The following KCNC2 variants were observed in gnomAD, a reference collection of about 807,000 sequenced individuals.
KCNC2 encodes the protein voltage-gated potassium channel KCNC2.
Under a neutral mutation model 44.5 loss-of-function variants are expected in KCNC2, and 21 were observed. The observed-to-expected ratio is 0.47, with a 90% CI of 0.33 to 0.68. The LOEUF is 0.68. KCNC2 is among the 30% of genes least tolerant of loss of function. The probability of loss-of-function intolerance (pLI) is 0.01; values close to 1 mark genes in which losing one functional copy is unlikely to be tolerated. For missense variants in KCNC2, 589 were observed against 826.2 expected (o/e 0.71, Z 3.52); for synonymous variants, 391 against 339.1 (o/e 1.15, Z -1.68).
chr12:75,182,528 A>C (rs568684624), intron 2 of KCNC2, among the ~76,000 whole-genome samples: 70 of 140,080 alleles, frequency 5.0e-4, no homozygotes, highest in East Asian at 1.7e-3. Flanking sequence ...CTCAAAAAAA[A>C]AAAAAAAAAC....
At chr12:75,155,592 A>T (rs1263831385) in intron 2 of KCNC2, among the ~76,000 whole-genome samples, 2 of 151,846 alleles carry the variant, frequency 1.3e-5, no homozygotes, top group Non-Finnish European at 2.9e-5. Context: ...GTAAAAATTA[A>T]TATCTAATCT....
At chr12:75,074,190 G>A (rs1411222492) in intron 2 of KCNC2, among the ~76,000 whole-genome samples, 2 of 151,186 alleles carry the variant, frequency 1.3e-5, no homozygotes, top group South Asian at 4.2e-4. Context: ...AAATAAGTAG[G>A]AGGTCTGCAA....
intron 2 of KCNC2, among the ~76,000 whole-genome samples, chr12:75,097,837 G>C (rs10431593): frequency 0.42 from 63,416 of 151,928 alleles, 16,481 homozygotes; most frequent in Non-Finnish European, 0.58. Context: ...TTATGAAATA[G>C]AGACAGTGTT....
intron 4 of KCNC2, among the ~76,000 whole-genome samples, chr12:75,046,168 A>T (rs758860421): frequency 6.6e-6 from 1 of 151,704 alleles, no homozygotes; most frequent in African/African-American, 2.4e-5. Flanking sequence ...GATTATGATA[A>T]GAAATGACAA....
intron 2 of KCNC2, among the ~76,000 whole-genome samples, chr12:75,161,824 T>C (rs1356826388): frequency 6.6e-6 from 1 of 151,714 alleles, no homozygotes; most frequent in African/African-American, 2.4e-5. Context: ...CATGAAGAAT[T>C]CCTATGAGAC....
chr12:75,061,461 G>A (rs569669905), intron 2 of KCNC2, among the ~76,000 whole-genome samples: 4 of 151,908 alleles, frequency 2.6e-5, no homozygotes, highest in South Asian at 2.1e-4. Context: ...GAAATAATCA[G>A]GCCACATAGT....
Position 75,084,290 on chromosome 12 carries a change from TGATA to T in KCNC2, c.688-32977_688-32974del, listed in dbSNP as rs56889908. ...TAGATTAGATAGATAGATAGATAGA[TGATA>T]GATAGATAGATAGATAGATAGATAG... On this transcript the variant is annotated intron_variant, in intron 2 of 4. Coordinates refer to ENST00000549446, the MANE Select transcript of KCNC2 (RefSeq NM_139137.4). Among the ~76,000 whole-genome samples the T allele has an allele frequency of 3.7e-3, 456 of 123,718 alleles. 2 individuals carry two copies. Among genetic ancestry groups the T allele is most frequent in the East Asian group, 9.1e-3 (40 of 4,386 alleles). 81.2% of individuals were successfully genotyped at this position (123,718 alleles called of 152,430 possible).
chr12:75,092,911 T>C (rs1426544580), intron 2 of KCNC2, among the ~76,000 whole-genome samples: 7 of 151,620 alleles, frequency 4.6e-5, no homozygotes, highest in Non-Finnish European at 8.9e-5. Context: ...GAAGTCATTC[T>C]TGCATCTATT....
chr12:75,106,531 T>C (rs1886799136), intron 2 of KCNC2, among the ~76,000 whole-genome samples: 1 of 152,136 alleles, frequency 6.6e-6, no homozygotes, highest in Non-Finnish European at 1.5e-5. Context: ...ATTATTACCT[T>C]GCAGGGAGAG....
intron 2 of KCNC2, among the ~76,000 whole-genome samples, chr12:75,150,748 C>T (rs144168732): frequency 1.3e-5 from 2 of 151,832 alleles, no homozygotes; most frequent in African/African-American, 2.4e-5. Context: ...ACAAATATGG[C>T]AATATTTCAC....
At chr12:75,114,898 C>G (rs1196437036) in intron 2 of KCNC2, among the ~76,000 whole-genome samples, 3 of 126,456 alleles carry the variant, frequency 2.4e-5, no homozygotes, top group African/African-American at 3.2e-5. Flanking sequence ...AGGGATCTCG[C>G]TGTCACCCAG....
rs4019554 is a variant in KCNC2, at chr12:75,084,321, T to C, written c.688-33004A>G. 2.0e-3 allele frequency among the ~76,000 whole-genome samples: 304 copies of C among 151,770 alleles called. 2 individuals are homozygous for C. The highest frequency in any genetic ancestry group is 7.0e-3 in the African/African-American group (289 of 41,338). On this transcript the variant is annotated intron_variant, in intron 2 of 4. Coordinates refer to ENST00000549446, the MANE Select transcript of KCNC2 (RefSeq NM_139137.4). Reference sequence around the variant, plus strand: ...ATAGATAGATAGATAGATAGATAGATAGATAGATAGATATACTATTATGTG... The same window carrying C: ...ATAGATAGATAGATAGATAGATAGACAGATAGATAGATATACTATTATGTG...
chr12:75,133,010 A>T (rs1293169554), intron 2 of KCNC2, among the ~76,000 whole-genome samples: 1 of 152,082 alleles, frequency 6.6e-6, no homozygotes, highest in Admixed American at 6.6e-5. Flanking sequence ...ATCTTGAATC[A>T]CTATAAATTC....
chr12:75,171,773 C>T (rs955911910), intron 2 of KCNC2, among the ~76,000 whole-genome samples: 2 of 151,692 alleles, frequency 1.3e-5, no homozygotes, highest in African/African-American at 4.8e-5. Flanking sequence ...TTAGAATGTT[C>T]CCAATACAAA....
At chr12:75,203,278 G>A (rs921413259) in intron 2 of KCNC2, among the ~76,000 whole-genome samples, 1 of 151,610 alleles carries the variant, frequency 6.6e-6, no homozygotes, top group African/African-American at 2.4e-5. Flanking sequence ...GGAAAAAGTG[G>A]CCCATACAAA....
intron 4 of KCNC2, among the ~76,000 whole-genome samples, chr12:75,047,622 GGA>G (rs1880675193): frequency 6.6e-6 from 1 of 151,924 alleles, no homozygotes; most frequent in Non-Finnish European, 1.5e-5. Context: ...ATATGACTGC[GGA>G]TCACGAGCCT....
At chr12:75,132,670 TA>T (rs1282131827) in intron 2 of KCNC2, among the ~76,000 whole-genome samples, 1 of 152,094 alleles carries the variant, frequency 6.6e-6, no homozygotes, top group African/African-American at 2.4e-5. Flanking sequence ...TCTGATTTGT[TA>T]AGAGAATCAA....
At chr12:75,084,529 G>T (rs551595262) in intron 2 of KCNC2, among the ~76,000 whole-genome samples, 1 of 151,974 alleles carries the variant, frequency 6.6e-6, no homozygotes, top group South Asian at 2.1e-4. Context: ...AGGGGTTTCT[G>T]CTTTTGTTTC....
At chr12:75,119,031 A>G (rs1887866350) in intron 2 of KCNC2, among the ~76,000 whole-genome samples, 1 of 152,220 alleles carries the variant, frequency 6.6e-6, no homozygotes, top group African/African-American at 2.4e-5. Flanking sequence ...GTGAGAATCC[A>G]TCTAAATCAT....
Sources: gnomAD v4.1 joint callset for allele counts (sites outside exome capture counted in the v4.1 genomes callset) on GRCh38, gnomAD v4.1.1 for gene constraint, MANE v1.5 for transcripts, NCBI Gene and HGNC (gene_info 2026-07-23, HGNC 2026-07-21) for gene names.